Variants in MTCL2 observed in about 807,000 individuals in gnomAD.
MTCL2 encodes microtubule cross-linking factor 2.
chr20:36,789,335 G>A, the MTCL2 span, among the ~76,000 whole-genome samples: 2 of 152,118 alleles, frequency 1.3e-5, no homozygotes, highest in African/African-American at 4.8e-5. Flanking sequence ...TGTTCTGGGT[G>A]TTTCTGTCAG....
the MTCL2 span, among the ~76,000 whole-genome samples, chr20:36,790,738 C>CTTT: frequency 3.2e-4 from 43 of 135,938 alleles, no homozygotes; most frequent in African/African-American, 1.1e-3. Flanking sequence ...TGCCTGGCCT[C>CTTT]TTTTTTTTTT....
chr20:36,835,316 G>C, the MTCL2 span, among the ~76,000 whole-genome samples: 1 of 152,054 alleles, frequency 6.6e-6, no homozygotes, highest in Non-Finnish European at 1.5e-5. Flanking sequence ...GTTGGGGGGG[G>C]GCACTGAGGC....
chr20:36,862,850 G>C, the MTCL2 span: 3 of 1,251,974 alleles, frequency 2.4e-6, no homozygotes, highest in Non-Finnish European at 3.0e-6. Context: ...GCTGCTGCGC[G>C]GAGGGCGCGG....
chr20:36,837,367 G>GAGC, the MTCL2 span, among the ~76,000 whole-genome samples: 62 of 150,892 alleles, frequency 4.1e-4, no homozygotes, highest in Admixed American at 3.8e-3. Context: ...CTGAAGCAGA[G>GAGC]AGCAGTGAGG....
chr20:36,784,978 C>T, the MTCL2 span: 15 of 985,434 alleles, frequency 1.5e-5, no homozygotes, highest in Non-Finnish European at 1.7e-5. Context: ...AATCCACGTT[C>T]GACTCATGAA....
At chr20:36,814,819 G>T in the MTCL2 span, among the ~76,000 whole-genome samples, 1 of 152,166 alleles carries the variant, frequency 6.6e-6, no homozygotes. Context: ...CCTGGGAGTT[G>T]GAGGTTACAG....
chr20:36,841,681 A>G, the MTCL2 span, among the ~76,000 whole-genome samples: 3 of 151,940 alleles, frequency 2.0e-5, no homozygotes, highest in Admixed American at 2.0e-4. Flanking sequence ...GCCAAATAGA[A>G]TTTGGGTTTG....
At chr20:36,804,603 T>C in the MTCL2 span, 1 of 1,229,832 alleles carries the variant, frequency 8.1e-7, no homozygotes, top group Admixed American at 2.3e-5. Context: ...TCTTGCCCTC[T>C]CTGGGCCACA....
chr20:36,793,127 A>C, the MTCL2 span: 2 of 1,234,662 alleles, frequency 1.6e-6, no homozygotes, highest in East Asian at 5.1e-5. This position sits in a 1 kb window ranked among gnomAD's most constrained non-coding sequence, Gnocchi z 6.8. Flanking sequence ...CTGGTCTTGA[A>C]CTCCTGATCT....
the MTCL2 span, chr20:36,797,083 T>C: frequency 2.9e-4 from 232 of 806,366 alleles, 2 homozygotes; most frequent in East Asian, 5.1e-3. Flanking sequence ...TCATCAATGA[T>C]CTAGCATGGT....
chr20:36,861,394 A>T, the MTCL2 span, among the ~76,000 whole-genome samples: 3 of 152,298 alleles, frequency 2.0e-5, no homozygotes, highest in South Asian at 6.2e-4. Context: ...CTCTTGATTC[A>T]GACAGACCTT....
At chr20:36,827,385 A>C in the MTCL2 span, among the ~76,000 whole-genome samples, 39 of 103,384 alleles carry the variant, frequency 3.8e-4, no homozygotes, top group East Asian at 0.01. Context: ...TTTTTTGGAG[A>C]TAGGGTCTCA....
chr20:36,843,367 G>T, the MTCL2 span, among the ~76,000 whole-genome samples: 1 of 152,272 alleles, frequency 6.6e-6, no homozygotes, highest in East Asian at 1.9e-4. Context: ...TCACAAGCTC[G>T]AGAGGTTTTC....
the MTCL2 span, among the ~76,000 whole-genome samples, chr20:36,790,970 T>C: frequency 6.6e-6 from 1 of 152,208 alleles, no homozygotes; most frequent in African/African-American, 2.4e-5. Flanking sequence ...TGCTGGAAGC[T>C]GTAGATATGG....
the MTCL2 span, among the ~76,000 whole-genome samples, chr20:36,848,584 C>A: frequency 6.6e-6 from 1 of 152,238 alleles, no homozygotes; most frequent in Non-Finnish European, 1.5e-5. Context: ...GAACCATCAT[C>A]CATGTTCTAC....
the MTCL2 span, among the ~76,000 whole-genome samples, chr20:36,846,371 C>T: frequency 6.6e-6 from 1 of 152,202 alleles, no homozygotes; most frequent in Non-Finnish European, 1.5e-5. Context: ...TTGACCTCTT[C>T]ACCTTAAAGG....
chr20:36,797,639 C>A, the MTCL2 span: 1 of 1,438,966 alleles, frequency 6.9e-7, no homozygotes, highest in Non-Finnish European at 9.5e-7. Flanking sequence ...CTGCTCTAAG[C>A]AAGGCCATTC....
At chr20:36,805,884 G>A in the MTCL2 span, 6 of 1,613,372 alleles carry the variant, frequency 3.7e-6, no homozygotes, top group African/African-American at 1.3e-5. Flanking sequence ...CCCCGTGCAG[G>A]CCTTGTTATC....
the MTCL2 span, among the ~76,000 whole-genome samples, chr20:36,841,874 GGTGTGTGTGTGTGTGTGTGTGTGT>G: frequency 1.5e-4 from 17 of 110,864 alleles, no homozygotes; most frequent in Admixed American, 8.8e-4. Context: ...TGGGGGGTGG[GGTGTGTGTGTGTGTGTGTGTGTGT>G]GTGTGTGTGT....
Sources: gnomAD v4.1 joint callset for allele counts (sites outside exome capture counted in the v4.1 genomes callset) on GRCh38, gnomAD v4.1.1 for gene constraint, Gnocchi (gnomAD v3.1) non-coding constraint, MANE v1.5 for transcripts, NCBI Gene and HGNC (gene_info 2026-07-23, HGNC 2026-07-21) for gene names.